KLHL25: variants seen among roughly 807,000 people sequenced by gnomAD.
KLHL25 encodes the protein kelch like family member 25, also known as kelch-like protein 25.
A neutral mutation model predicts 30.0 loss-of-function variants in KLHL25; 41 were observed. The observed-to-expected ratio is 1.37, with a 90% CI of 1.07 to 1.78. KLHL25 has a LOEUF of 1.78. KLHL25 is among the 40% of genes most tolerant of loss of function. The pLI is 0.00. For missense variants in KLHL25, 971 were observed against 824.5 expected, an observed-to-expected ratio of 1.18 and a Z score of -2.18; for synonymous variants, 399 against 355.3, an observed-to-expected ratio of 1.12 and a Z score of -1.38.
intron 1 of KLHL25, among the ~76,000 whole-genome samples, chr15:85,787,185 G>T (rs1225490875): frequency 7.0e-6 from 1 of 142,672 alleles, no homozygotes; most frequent in Non-Finnish European, 1.5e-5. Context: ...AGTGGCTCAC[G>T]CCTGTAATCC....
chr15:85,762,433 TGTTCCCTCTC>T (rs1271890025), intron 2 of KLHL25: 3 of 6,676 alleles, frequency 4.5e-4, no homozygotes, highest in Non-Finnish European at 1.5e-3. Context: ...CAGGCTCCTG[TGTTCCCTCTC>T]AGGCTGGGTC....
Position 85,768,216 on chromosome 15 carries a change from T to A in KLHL25, c.1595A>T (p.His532Leu). 6.2e-7 allele frequency: 1 copy of A among 1,614,194 alleles called. No individual in the cohort carries two copies. Among genetic ancestry groups the A allele is most frequent in the Non-Finnish European group, 8.5e-7 (1 of 1,180,044 alleles). The change falls in exon 2 of 3, where the codon CAT becomes CTT. Residue 532 changes from histidine (H) to leucine (L), a missense_variant. His to Leu is a moderately conservative substitution (Grantham distance 99). Transcript: ENST00000337975. ...GAGCTTGTTGCCGGAAGCCAGGGCA[T>A]GGCAGGACATGCGCTTGGCAGTCAT... is the stretch of plus-strand genomic sequence containing the variant. ...GDMTAKRMSC[H>L]ALASGNKLYV...
rs745892914 is a variant in KLHL25, at chr15:85,769,115, G to A, written c.696C>T (p.Leu232=). The A allele has an allele frequency of 6.2e-7, 1 of 1,607,374 alleles. No individual in the cohort carries two copies. The highest frequency in any genetic ancestry group is 1.7e-5 in the Admixed American group (1 of 59,918). The change falls in exon 2 of 3, where the codon CTC becomes CTT. Residue 232 remains leucine (L), a synonymous_variant. Coordinates refer to ENST00000337975, the MANE Select transcript of KLHL25 (RefSeq NM_022480.4). ...GCAAGGCCAGACGCACGCTGCGGAG[G>A]AGCTCGGGCAAGTGGACCTTCCGTG... ...LEPRKVHLPE[L]LRSVRLALLP...
In KLHL25 at chr15:85,768,516, T is replaced by A. The variant is rs774659435; in HGVS notation, c.1295A>T (p.Asp432Val). 2.5e-6 allele frequency: 4 copies of A among 1,613,744 alleles called. No individual in the cohort carries two copies. Among genetic ancestry groups the A allele is most frequent in the Non-Finnish European group, 3.4e-6 (4 of 1,179,966 alleles). ...CACCACTGCGGCATTGCTGACGCCA[T>A]CCCGCAAGGGGGCCACCATCATCCA... ...NKWMMVAPLR[D>V]GVSNAAVVSA... The change falls in exon 2 of 3, where the codon GAT becomes GTT. Residue 432 changes from aspartate to valine, a missense_variant. Asp to Val is a radical substitution (Grantham distance 152). Transcript: ENST00000337975.
chr15:85,782,255 C>T (rs1300525788), intron 1 of KLHL25, among the ~76,000 whole-genome samples: 1 of 152,070 alleles, frequency 6.6e-6, no homozygotes, highest in Non-Finnish European at 1.5e-5. Context: ...TATGGTTTAG[C>T]CACCAAGTTC....
intron 1 of KLHL25, among the ~76,000 whole-genome samples, chr15:85,788,489 G>C (rs1302903111): frequency 2.7e-5 from 4 of 149,972 alleles, no homozygotes; most frequent in African/African-American, 7.3e-5. Context: ...GTTCTCCACT[G>C]AATCCCAGAG....
At chr15:85,780,626 T>C (rs1055392174) in intron 1 of KLHL25, among the ~76,000 whole-genome samples, 1 of 152,240 alleles carries the variant, frequency 6.6e-6, no homozygotes, top group African/African-American at 2.4e-5. Flanking sequence ...GGCCACTTAC[T>C]GGTAGTGAAT....
intron 2 of KLHL25, chr15:85,764,440 C>G (rs2089605097): frequency 6.7e-6 from 1 of 150,294 alleles, no homozygotes; most frequent in African/African-American, 2.5e-5. Context: ...TAAGAGCAAC[C>G]CGGACTCAGC....
intron 1 of KLHL25, among the ~76,000 whole-genome samples, chr15:85,776,004 T>C (rs1180727722): frequency 6.6e-6 from 1 of 150,732 alleles, no homozygotes; most frequent in African/African-American, 2.4e-5. Flanking sequence ...AAACCCCGTC[T>C]CTACTAAAAA....
At chr15:85,773,334 C>T (rs1597275880) in intron 1 of KLHL25, among the ~76,000 whole-genome samples, 1 of 152,360 alleles carries the variant, frequency 6.6e-6, no homozygotes, top group Admixed American at 6.5e-5. Context: ...GCCAGCCCAG[C>T]CACTGTCAAG....
At position 85,769,401 on chromosome 15, in the gene KLHL25, G is replaced by A. The variant is rs1477924244; in HGVS notation, c.410C>T (p.Ala137Val). The A allele has an allele frequency of 1.9e-6, 3 of 1,614,132 alleles. No homozygotes were observed. Among genetic ancestry groups the A allele is most frequent in the Non-Finnish European group, 1.7e-6 (2 of 1,180,038 alleles). The change falls in exon 2 of 3, where the codon GCC (alanine) becomes GTC (valine). Residue 137 changes from alanine to valine, a missense_variant. Coordinates refer to ENST00000337975, the MANE Select transcript of KLHL25 (RefSeq NM_022480.4). ...LQFHDVRDAAAEFLEKNLFPS... is the reference protein window; with the variant it reads ...LQFHDVRDAAVEFLEKNLFPS... Reference sequence around the variant, plus strand: ...GAAAAGGTTCTTCTCCAGGAACTCGGCGGCAGCATCCCGCACATCGTGGAA... The same window carrying A: ...GAAAAGGTTCTTCTCCAGGAACTCGACGGCAGCATCCCGCACATCGTGGAA...
rs1428317970 is a variant in KLHL25 at position 85,768,044 on chromosome 15, C to T, written c.1767G>A (p.Ala589=). 9 of 1,608,764 alleles carry T rather than the reference C, an allele frequency of 5.6e-6. No homozygotes were observed. Among genetic ancestry groups the T allele is most frequent in the Admixed American group, 1.7e-5 (1 of 59,844 alleles). ...GGCTGGGCTCAGCAGGTGCTCCTCA[C>T]GCGGGCAGGTGCTTCCAGGTGCTGA... ...AFVSTWKHLP[A] Residue 589 remains alanine (A), a synonymous_variant, in exon 2 of 3, where the codon GCG becomes GCA. Coordinates refer to ENST00000337975, the MANE Select transcript of KLHL25 (RefSeq NM_022480.4).
chr15:85,772,947 T>C (rs1321033923), intron 1 of KLHL25, among the ~76,000 whole-genome samples: 1 of 152,232 alleles, frequency 6.6e-6, no homozygotes, highest in East Asian at 1.9e-4. Context: ...ACCTGCCTAG[T>C]TGTTTCCCCG....
At chr15:85,781,220 T>A (rs762092075) in intron 1 of KLHL25, among the ~76,000 whole-genome samples, 1 of 152,148 alleles carries the variant, frequency 6.6e-6, no homozygotes, top group Admixed American at 6.6e-5. Flanking sequence ...CAATGAACTT[T>A]TGTACTCAGT....
At chr15:85,794,043 GAGAC>G in intron 1 of KLHL25, among the ~76,000 whole-genome samples, 1 of 152,346 alleles carries the variant, frequency 6.6e-6, no homozygotes, top group South Asian at 2.1e-4. Context: ...AACTACGAAA[GAGAC>G]AGGGGGAGTG....
chr15:85,794,204 C>T (rs2089835904), intron 1 of KLHL25, among the ~76,000 whole-genome samples: 1 of 152,222 alleles, frequency 6.6e-6, no homozygotes, highest in African/African-American at 2.4e-5. Flanking sequence ...TTCTCTGCCG[C>T]TGGACAGTTC....
At chr15:85,780,391 C>T (rs757469764) in intron 1 of KLHL25, among the ~76,000 whole-genome samples, 2 of 152,204 alleles carry the variant, frequency 1.3e-5, no homozygotes, top group Non-Finnish European at 2.9e-5. Flanking sequence ...ACGTGGCCTC[C>T]TGAGGAGGAT....
At chr15:85,782,169 T>C (rs1043337203) in intron 1 of KLHL25, among the ~76,000 whole-genome samples, 7 of 152,170 alleles carry the variant, frequency 4.6e-5, no homozygotes, top group Admixed American at 2.0e-4. Flanking sequence ...CTCTTGAAAT[T>C]ACATATGTAC....
intron 1 of KLHL25, chr15:85,770,621 G>A (rs757668479): frequency 2.7e-5 from 14 of 515,582 alleles, no homozygotes; most frequent in South Asian, 4.4e-5. Context: ...ACTCACCCTC[G>A]AGACCAACGC....
Sources: gnomAD v4.1 joint callset for allele counts (sites outside exome capture counted in the v4.1 genomes callset) on GRCh38, gnomAD v4.1.1 for gene constraint, MANE v1.5 for transcripts, NCBI Gene and HGNC (gene_info 2026-07-23, HGNC 2026-07-21) for gene names.